Variants in RPS6KA6 observed in about 807,000 individuals in gnomAD.
RPS6KA6 encodes the protein ribosomal protein S6 kinase A6.
In RPS6KA6, 27 loss-of-function variants were observed where a neutral mutation model predicts 65.4. The observed-to-expected ratio is 0.41, with a 90% CI of 0.30 to 0.57. The LOEUF (loss-of-function observed/expected upper bound fraction) is 0.57. Ranked by LOEUF, RPS6KA6 falls within the 20% of genes least tolerant of loss-of-function variation. The pLI is 0.24. For synonymous variants in RPS6KA6, 190 were observed against 184.2 expected, an observed-to-expected ratio of 1.03 and a Z score of -0.26; for missense variants, 486 against 555.6, an observed-to-expected ratio of 0.87 and a Z score of 1.26.
At chrX:84,161,394 A>G (rs1445535632) in intron 2 of RPS6KA6, among the ~76,000 whole-genome samples, 1 of 111,787 alleles carries the variant, frequency 8.9e-6, no homozygotes, top group African/African-American at 3.2e-5. Context: ...AACATTTTTT[A>G]GTTGAACAAT....
At chrX:84,121,640 C>T (rs1332745083) in intron 8 of RPS6KA6, among the ~76,000 whole-genome samples, 3 of 111,454 alleles carry the variant, frequency 2.7e-5, no homozygotes, top group African/African-American at 6.5e-5. Context: ...TAATTTCTTG[C>T]AAAGGTGCAA....
At chrX:84,065,985 G>T (rs2033392814) in intron 20 of RPS6KA6, among the ~76,000 whole-genome samples, 1 of 110,849 alleles carries the variant, frequency 9.0e-6, no homozygotes, top group Admixed American at 9.6e-5. Flanking sequence ...AAGTAGGGTG[G>T]GGCATCGCCC....
chrX:84,138,356 C>T (rs763909347), intron 6 of RPS6KA6, among the ~76,000 whole-genome samples: 17 of 109,564 alleles, frequency 1.6e-4, no homozygotes, highest in African/African-American at 5.3e-4. Context: ...AGTTTGAGAC[C>T]AGCCTAGGCA....
chrX:84,159,196 T>G (rs1243308933), intron 2 of RPS6KA6, among the ~76,000 whole-genome samples: 1 of 110,960 alleles, frequency 9.0e-6, no homozygotes, highest in Non-Finnish European at 1.9e-5. Context: ...TTATTCTGTC[T>G]TATTCTATCT....
At chrX:84,139,338 T>C (rs2035054359) in intron 6 of RPS6KA6, among the ~76,000 whole-genome samples, 2 of 112,416 alleles carry the variant, frequency 1.8e-5, no homozygotes, top group African/African-American at 3.2e-5. Context: ...GGAGCCTTAT[T>C]ATACTGTTGT....
intron 2 of RPS6KA6, among the ~76,000 whole-genome samples, chrX:84,159,817 A>G (rs1339634336): frequency 1.8e-5 from 2 of 110,526 alleles, no homozygotes; most frequent in African/African-American, 6.6e-5. Flanking sequence ...TTCTAATTCA[A>G]TATGACTGAC....
intron 3 of RPS6KA6, among the ~76,000 whole-genome samples, chrX:84,152,758 C>T (rs191617552): frequency 1.3e-4 from 14 of 111,237 alleles, no homozygotes; most frequent in Admixed American, 2.9e-4. Context: ...GATACAAGTA[C>T]GCCATGGACT....
chrX:84,158,936 C>T (rs907134451), intron 2 of RPS6KA6, among the ~76,000 whole-genome samples: 2 of 111,405 alleles, frequency 1.8e-5, no homozygotes, highest in African/African-American at 6.5e-5. Context: ...TAAGCCTCCC[C>T]AGTTGATTCG....
At chrX:84,178,716 T>C (rs910151587) in intron 1 of RPS6KA6, among the ~76,000 whole-genome samples, 6 of 111,321 alleles carry the variant, frequency 5.4e-5, no homozygotes, top group African/African-American at 2.0e-4. Context: ...GCAGAGCAAC[T>C]GGACATACCT....
chrX:84,109,803 G>A (rs933143189), intron 12 of RPS6KA6, among the ~76,000 whole-genome samples: 15 of 110,628 alleles, frequency 1.4e-4, no homozygotes, highest in African/African-American at 4.6e-4. Context: ...CACTGGCCTG[G>A]TCCTGGTCCA....
rs1164218501 is a variant in RPS6KA6, at chrX:84,060,613, T to C, written c.*3664A>G. ...TGTCTACCTCCACATCATTTTGTCA[T>C]AGAAGTTCATTGTGATTAAAAAGTT... On this transcript the variant is annotated 3_prime_UTR_variant, in exon 22 of 22. Coordinates refer to ENST00000262752, the MANE Select transcript of RPS6KA6 (RefSeq NM_014496.5). 1.8e-5 allele frequency: 2 copies of C among 110,956 alleles called. No individual in the cohort carries two copies. The highest frequency in any genetic ancestry group is 3.8e-5 in the Non-Finnish European group (2 of 52,949). 9.1% of individuals were successfully genotyped at this position (110,956 alleles called of 1,213,427 possible). A position where few individuals can be genotyped will look rare whatever the true frequency, so the allele number is the denominator to read the frequency against.
rs753454494 is a variant in RPS6KA6, at chrX:84,107,702, T to G, written c.1032A>C (p.Gln344His). The G allele has an allele frequency of 7.7e-6, 9 of 1,176,242 alleles. No homozygotes were observed. The East Asian group carries it at 2.4e-4, about 31-fold the overall frequency. The change falls in exon 13 of 22, where the codon CAA (glutamine) becomes CAC (histidine). Residue 344 changes from glutamine to histidine, a missense_variant. Transcript: ENST00000262752. Reference sequence around the variant, plus strand: ...TTCCAGAAGCAGGTTTGAAAGGAGGTTGAACTTCTCTTTTATATAATTTCT... The same window carrying G: ...TTCCAGAAGCAGGTTTGAAAGGAGGGTGAACTTCTCTTTTATATAATTTCT... ...DWDKLYKREV[Q>H]PPFKPASGKP...
chrX:84,123,000 G>A (rs1430704226), intron 8 of RPS6KA6, among the ~76,000 whole-genome samples: 1 of 111,995 alleles, frequency 8.9e-6, no homozygotes, highest in African/African-American at 3.2e-5. Context: ...TTAGATATCA[G>A]CTCAGCCATA....
chrX:84,086,880 T>C (rs1235591320), intron 20 of RPS6KA6, among the ~76,000 whole-genome samples: 1 of 111,866 alleles, frequency 8.9e-6, no homozygotes, highest in Non-Finnish European at 1.9e-5. Flanking sequence ...TGATAGTTAG[T>C]TCTCCTTATT....
At chrX:84,093,561 C>G (rs1328202908) in intron 20 of RPS6KA6, among the ~76,000 whole-genome samples, 1 of 111,731 alleles carries the variant, frequency 9.0e-6, no homozygotes, top group Admixed American at 9.5e-5. Flanking sequence ...TCCAGATTAC[C>G]AGGCTAAAAG....
At chrX:84,150,448 T>C (rs2147560620) in intron 3 of RPS6KA6, among the ~76,000 whole-genome samples, 1 of 111,178 alleles carries the variant, frequency 9.0e-6, no homozygotes, top group East Asian at 2.8e-4. Context: ...AGCTTTTGAT[T>C]TAAAGTGACA....
intron 3 of RPS6KA6, among the ~76,000 whole-genome samples, chrX:84,149,598 T>C (rs2035263208): frequency 8.9e-6 from 1 of 111,830 alleles, no homozygotes; most frequent in Admixed American, 9.5e-5. Context: ...ACTAGGAGTA[T>C]TGCCAATGAG....
intron 20 of RPS6KA6, among the ~76,000 whole-genome samples, chrX:84,095,834 T>C (rs1480093276): frequency 8.9e-6 from 1 of 111,766 alleles, no homozygotes; most frequent in East Asian, 2.8e-4. Context: ...GTCTACATAA[T>C]CAAGTCAATT....
intron 2 of RPS6KA6, 21 bp downstream of exon 2, chrX:84,164,306 AT>A (rs1412814231): frequency 8.9e-7 from 1 of 1,123,300 alleles, no homozygotes; most frequent in Admixed American, 2.3e-5. Context: ...ATGTGGCTTA[AT>A]AAATTAACAT....
Sources: gnomAD v4.1 joint callset for allele counts (sites outside exome capture counted in the v4.1 genomes callset) on GRCh38, gnomAD v4.1.1 for gene constraint, MANE v1.5 for transcripts, NCBI Gene and HGNC (gene_info 2026-07-23, HGNC 2026-07-21) for gene names.